Variants in FBXO15 observed in about 807,000 individuals in gnomAD.
FBXO15 encodes the protein F-box only protein 15.
A neutral mutation model predicts 49.5 loss-of-function variants in FBXO15; 30 were observed. The observed-to-expected ratio is 0.61, with a 90% CI of 0.45 to 0.82. The LOEUF is 0.82. Ranked by LOEUF, FBXO15 falls within the 40% of genes least tolerant of loss-of-function variation. The pLI is 0.00. For missense variants in FBXO15, 591 were observed against 631.5 expected (o/e 0.94, Z 0.69); for synonymous variants, 250 against 232.7 (o/e 1.07, Z -0.68).
chr18:74,110,964 G>C (rs902263246), intron 8 of FBXO15, among the ~76,000 whole-genome samples: 1 of 152,118 alleles, frequency 6.6e-6, no homozygotes, highest in South Asian at 2.1e-4. Flanking sequence ...ATTATAGTTG[G>C]AGACATCAAC....
chr18:74,106,397 C>T (rs1324946262), intron 8 of FBXO15, among the ~76,000 whole-genome samples: 1 of 152,074 alleles, frequency 6.6e-6, no homozygotes, highest in Non-Finnish European at 1.5e-5. Flanking sequence ...AAATGTAATG[C>T]ATATAAATCT....
At chr18:74,111,342 A>G (rs1215023415) in intron 8 of FBXO15, among the ~76,000 whole-genome samples, 1 of 152,064 alleles carries the variant, frequency 6.6e-6, no homozygotes, top group Non-Finnish European at 1.5e-5. Flanking sequence ...AACGTCTGCA[A>G]ACTGATACAA....
chr18:74,122,087 G>C (rs1018451664), intron 8 of FBXO15, among the ~76,000 whole-genome samples: 1 of 152,080 alleles, frequency 6.6e-6, no homozygotes, highest in Non-Finnish European at 1.5e-5. Context: ...AGTGACCTAC[G>C]AGGGCATGAA....
intron 5 of FBXO15, among the ~76,000 whole-genome samples, chr18:74,127,344 T>C (rs1298357963): frequency 1.3e-5 from 2 of 152,216 alleles, no homozygotes; most frequent in African/African-American, 2.4e-5. Flanking sequence ...AAGGCTGACG[T>C]TTCCCCAGCA....
intron 8 of FBXO15, among the ~76,000 whole-genome samples, chr18:74,090,807 G>T (rs1359032249): frequency 6.6e-6 from 1 of 152,124 alleles, no homozygotes; most frequent in East Asian, 1.9e-4. Flanking sequence ...ATTTGCTGAT[G>T]ATTGTTTTAT....
At chr18:74,096,717 G>T (rs2058465565) in intron 8 of FBXO15, among the ~76,000 whole-genome samples, 2 of 151,530 alleles carry the variant, frequency 1.3e-5, no homozygotes, top group Admixed American at 6.6e-5. Flanking sequence ...GGCGATATGT[G>T]AGCTTTCTGA....
At chr18:74,143,917 T>C (rs1979242506) in intron 1 of FBXO15, among the ~76,000 whole-genome samples, 1 of 152,224 alleles carries the variant, frequency 6.6e-6, no homozygotes, top group Non-Finnish European at 1.5e-5. Flanking sequence ...CATCCAACAC[T>C]ATACATTTAA....
chr18:74,137,069 T>TA, intron 2 of FBXO15, among the ~76,000 whole-genome samples: 1 of 152,212 alleles, frequency 6.6e-6, no homozygotes, highest in Non-Finnish European at 1.5e-5. Flanking sequence ...CAGTTAACGT[T>TA]ATGCCTGTTG....
chr18:74,075,169 C>T lies in FBXO15; in HGVS notation c.1264-1439G>A, dbSNP rs941425099. 1.3e-5 allele frequency among the ~76,000 whole-genome samples: 2 copies of T among 152,196 alleles called. No homozygotes were observed. The highest frequency in any genetic ancestry group is 4.8e-5 in the African/African-American group (2 of 41,452). On this transcript the variant is annotated intron_variant, in intron 9 of 9. Transcript: ENST00000419743. This position sits in a 1 kb window ranked among gnomAD's most constrained non-coding sequence, Gnocchi z 4.1. The stretch of plus-strand genomic sequence containing the variant: ...GTGGCTCCCTCTCCGCCTCATGGAA[C>T]AACACCTCATCCCCTCCCTCAGCCC...
Position 74,123,517 on chromosome 18 carries a change from A to G in FBXO15, c.996-7T>C. 1 of 1,585,184 alleles carries G rather than the reference A, an allele frequency of 6.3e-7. No homozygotes were observed. Among genetic ancestry groups the G allele is most frequent in the Non-Finnish European group, 8.5e-7 (1 of 1,172,442 alleles). Reference sequence around the variant, plus strand: ...TGGAGGCAGTTCATAGGGGCTGAAAAGCAAAACAAAAGAAACATACAAATT... The same window carrying G: ...TGGAGGCAGTTCATAGGGGCTGAAAGGCAAAACAAAAGAAACATACAAATT... On this transcript the variant is annotated splice_region_variant and splice_polypyrimidine_tract_variant and intron_variant, in intron 7 of 9. Coordinates refer to ENST00000419743, the MANE Select transcript of FBXO15 (RefSeq NM_001142958.2).
At chr18:74,102,830 TTATTC>T (rs1247614192) in intron 8 of FBXO15, among the ~76,000 whole-genome samples, 1 of 152,144 alleles carries the variant, frequency 6.6e-6, no homozygotes, top group East Asian at 1.9e-4. Context: ...CTGGAGACTA[TTATTC>T]TAAGTGAAGT....
intron 8 of FBXO15, among the ~76,000 whole-genome samples, chr18:74,107,551 G>T (rs1113144): frequency 0.26 from 40,112 of 151,900 alleles, 7,814 homozygotes; most frequent in African/African-American, 0.54. Flanking sequence ...ATACAGAGAC[G>T]CGTAGCTCTA....
At position 74,073,383 on chromosome 18, in the gene FBXO15, T is replaced by TA; in HGVS notation, c.*77dup. 2 of 1,480,924 alleles carry TA rather than the reference T, an allele frequency of 1.4e-6. No homozygotes were observed. Among genetic ancestry groups the TA allele is most frequent in the Non-Finnish European group, 1.8e-6 (2 of 1,089,188 alleles). 91.7% of individuals were successfully genotyped at this position (1,480,924 alleles called of 1,614,324 possible). On this transcript the variant is annotated 3_prime_UTR_variant, in exon 10 of 10. Coordinates refer to ENST00000419743, the MANE Select transcript of FBXO15 (RefSeq NM_001142958.2). ...TGCACAGCACTCTGCAGATTTGCTTTATTTTAATTTTCAACACCAAGAACA... is the reference window on the plus strand; with the variant it reads ...TGCACAGCACTCTGCAGATTTGCTTTAATTTTAATTTTCAACACCAAGAACA...
Position 74,073,702 on chromosome 18 carries a change from A to G in FBXO15, c.1292T>C (p.Leu431Ser), listed in dbSNP as rs751895847. The G allele has an allele frequency of 1.9e-6, 3 of 1,613,814 alleles. No individual in the cohort carries two copies. Among genetic ancestry groups the G allele is most frequent in the African/African-American group, 1.3e-5 (1 of 74,938 alleles). ...CCAAAAGGGTTTCCCATGTTCATCCAAAAGAGTTACGTCCATCATGGAACA... is the reference window on the plus strand; with the variant it reads ...CCAAAAGGGTTTCCCATGTTCATCCGAAAGAGTTACGTCCATCATGGAACA... ...KSCSMMDVTL[L>S]DEHGKPFWCF... The change falls in exon 10 of 10, where the codon TTG becomes TCG. Residue 431 changes from leucine to serine, a missense_variant. Physicochemically the swap from Leu to Ser is moderately radical, Grantham distance 145. Coordinates refer to ENST00000419743, the MANE Select transcript of FBXO15 (RefSeq NM_001142958.2).
intron 8 of FBXO15, among the ~76,000 whole-genome samples, chr18:74,108,077 C>A (rs536670416): frequency 6.6e-6 from 1 of 152,262 alleles, no homozygotes; most frequent in South Asian, 2.1e-4. Context: ...CACCTTACCA[C>A]CACATTACTA....
At chr18:74,108,523 GAA>G (rs58040739) in intron 8 of FBXO15, among the ~76,000 whole-genome samples, 47 of 134,602 alleles carry the variant, frequency 3.5e-4, no homozygotes, top group African/African-American at 9.0e-4. Flanking sequence ...AAAAAAGACG[GAA>G]AAAAAAAAAC....
At chr18:74,115,167 G>A (rs902066697) in intron 8 of FBXO15, among the ~76,000 whole-genome samples, 3 of 152,154 alleles carry the variant, frequency 2.0e-5, no homozygotes, top group African/African-American at 7.2e-5. Flanking sequence ...AGCTGAGCCC[G>A]CTGGAGACAT....
chr18:74,146,835 C>T (rs535763999), intron 1 of FBXO15, among the ~76,000 whole-genome samples: 2 of 152,276 alleles, frequency 1.3e-5, no homozygotes, highest in South Asian at 4.1e-4. Context: ...TGTGCTTAAA[C>T]ATAGACCATT....
chr18:74,147,610 C>A (rs1415123232), intron 1 of FBXO15, 60 bp downstream of exon 1: 4 of 1,359,290 alleles, frequency 2.9e-6, no homozygotes, highest in Non-Finnish European at 3.8e-6. Flanking sequence ...GTGAAGAGAG[C>A]GGGGCCGCGC....
Sources: allele counts gnomAD v4.1 joint callset (sites outside exome capture counted in the v4.1 genomes callset), GRCh38; gene constraint gnomAD v4.1.1; non-coding constraint Gnocchi (gnomAD v3.1); transcripts MANE v1.5; gene names NCBI Gene and HGNC (gene_info 2026-07-23, HGNC 2026-07-21).